DOCK6: variants seen among roughly 807,000 people sequenced by gnomAD.
The protein encoded by DOCK6 is dedicator of cytokinesis 6.
Under a neutral mutation model 230.3 loss-of-function variants are expected in DOCK6, and 167 were observed. The observed-to-expected ratio is 0.73, with a 90% CI of 0.64 to 0.82. The LOEUF is 0.82. Among genes scored for constraint, DOCK6 ranks in the 40% least tolerant of loss-of-function variants. DOCK6 has a pLI of 0.00. For synonymous variants in DOCK6, 1,148 were observed against 1,185.0 expected (o/e 0.97, Z 0.64); for missense variants, 2,598 against 2,825.8 (o/e 0.92, Z 1.83).
At position 11,236,166 on chromosome 19, in the gene DOCK6, C is replaced by T. The variant is rs190151969; in HGVS notation, c.2392+180G>A. ...AAGTGCTGGGATGACAGGCGTGAAC[C>T]GCTGCACCCGGGCCAAAGGGTCACA... On this transcript the variant is annotated intron_variant, in intron 20 of 47. Coordinates refer to ENST00000294618, the MANE Select transcript of DOCK6 (RefSeq NM_020812.4). This position sits in a 1 kb window ranked among gnomAD's most constrained non-coding sequence, Gnocchi z 5.2. 21 of 677,418 alleles carry T rather than the reference C, an allele frequency of 3.1e-5. No homozygotes were observed. Among genetic ancestry groups the T allele is most frequent in the Non-Finnish European group, 4.9e-5 (20 of 410,872 alleles). 42.0% of individuals were successfully genotyped at this position (677,418 alleles called of 1,614,324 possible).
chr19:11,240,217 G>A lies in DOCK6; in HGVS notation c.1643+1828C>T, dbSNP rs774148767. On this transcript the variant is annotated intron_variant, in intron 14 of 47. Transcript: ENST00000294618. ...GTGGCCCAGGCACAGAAGGTGCTAC[G>A]GGACAGCGTGCAGCGGCTAGAAGTC... The A allele has an allele frequency of 2.2e-5, 35 of 1,568,044 alleles. No individual in the cohort carries two copies. In the South Asian group the frequency reaches 3.2e-4, roughly 14 times the overall value.
In DOCK6 at chr19:11,204,575, C is replaced by T. The variant is rs553074745; in HGVS notation, c.5089-244G>A. 1.1e-4 allele frequency among the ~76,000 whole-genome samples: 16 copies of T among 152,150 alleles called. No homozygotes were observed. The East Asian group carries it at 3.1e-3, about 29-fold the overall frequency. On this transcript the variant is annotated intron_variant, in intron 39 of 47. Coordinates refer to ENST00000294618, the MANE Select transcript of DOCK6 (RefSeq NM_020812.4). ...GTTTTTTTGAGATAGGGTCTCACTC[C>T]ATCACCCAGGCTGGAGTGTAGTGGT...
Position 11,222,396 on chromosome 19 carries a change from G to A in DOCK6, c.3241-148C>T, listed in dbSNP as rs2079594825. The A allele has an allele frequency of 2.5e-6, 3 of 1,177,368 alleles. No homozygotes were observed. The East Asian group carries it at 7.7e-5, about 30-fold the overall frequency. 72.9% of individuals were successfully genotyped at this position (1,177,368 alleles called of 1,614,324 possible). A position where few individuals can be genotyped will look rare whatever the true frequency, so the allele number is the denominator to read the frequency against. ...TGTTAAGTCATCTGGAGGTGACAGT[G>A]GGCATGGGTTTCAAGGCCAGAAGTG... is the stretch of plus-strand genomic sequence containing the variant. On this transcript the variant is annotated intron_variant, in intron 26 of 47. Coordinates refer to ENST00000294618, the MANE Select transcript of DOCK6 (RefSeq NM_020812.4). This position sits in a 1 kb window ranked among gnomAD's most constrained non-coding sequence, Gnocchi z 4.0.
In DOCK6 at chr19:11,241,867, T is replaced by C. The variant is rs370083016; in HGVS notation, c.1643+178A>G. 4.0e-4 allele frequency: 507 copies of C among 1,272,134 alleles called. 6 individuals carry two copies. In the East Asian group the frequency reaches 0.011, roughly 28 times the overall value. 78.8% of individuals were successfully genotyped at this position (1,272,134 alleles called of 1,614,324 possible). Reference sequence around the variant, plus strand: ...GACAAAGGCAGAGGATGTAGCCCCATTGGGGAGGGGTGGAGGAAGGACATG... The same window carrying C: ...GACAAAGGCAGAGGATGTAGCCCCACTGGGGAGGGGTGGAGGAAGGACATG... On this transcript the variant is annotated intron_variant, in intron 14 of 47. Transcript: ENST00000294618.
At chr19:11,252,378 C>T (rs1259501933) in intron 4 of DOCK6, 104 bp downstream of exon 4, 1 of 1,584,924 alleles carries the variant, frequency 6.3e-7, no homozygotes, top group Non-Finnish European at 8.6e-7. Flanking sequence ...AGTTTGCCTG[C>T]TCTTGCAGGG....
Position 11,227,455 on chromosome 19 carries a change from A to G in DOCK6, c.2837T>C (p.Leu946Pro). ...QLMVKSMALH[L>P]LLGQRLDTPR... is the part of the protein sequence containing the mutation. ...TGTGTCTAGTCGCTGGCCAAGCAGC[A>G]GGTGCAGCGCCATACTCTTCACCTG... The change falls in exon 24 of 48, where the codon CTG becomes CCG. Residue 946 changes from leucine (L) to proline (P), a missense_variant. Transcript: ENST00000294618. 1.3e-6 allele frequency: 2 copies of G among 1,595,368 alleles called. No individual in the cohort carries two copies. Among genetic ancestry groups the G allele is most frequent in the Non-Finnish European group, 1.7e-6 (2 of 1,171,318 alleles).
chr19:11,240,177 G>A (rs961073008), intron 14 of DOCK6: 1 of 1,553,226 alleles, frequency 6.4e-7, no homozygotes, highest in African/African-American at 1.4e-5. Context: ...GGCCACAGCT[G>A]AGGTGCTGGG....
At chr19:11,227,275 A>G in intron 24 of DOCK6, 62 bp downstream of exon 24, 1 of 1,589,264 alleles carries the variant, frequency 6.3e-7, no homozygotes, top group Non-Finnish European at 8.6e-7. Flanking sequence ...TGGCGCCCCC[A>G]CCTGGCTGGC....
chr19:11,210,219 C>T (rs1396014193), intron 37 of DOCK6, among the ~76,000 whole-genome samples: 1 of 149,132 alleles, frequency 6.7e-6, no homozygotes. Flanking sequence ...TCTGTCCACC[C>T]CTCACCTGTC....
At chr19:11,239,745 C>T (rs749968127) in intron 14 of DOCK6, 1 of 1,612,952 alleles carries the variant, frequency 6.2e-7, no homozygotes, top group Non-Finnish European at 8.5e-7. Context: ...AGGAGCTGAC[C>T]CTGCTCTTCC....
At position 11,201,864 on chromosome 19, in the gene DOCK6, C is replaced by T. The variant is rs758853300; in HGVS notation, c.5688+25G>A. 126 of 1,529,838 alleles carry T rather than the reference C, an allele frequency of 8.2e-5. No homozygotes were observed. The highest frequency in any genetic ancestry group is 4.2e-4 in the East Asian group (17 of 40,696). The allele number at this position is 1,529,838 out of a possible 1,614,324, so 94.8% of individuals were successfully genotyped here. A position where few individuals can be genotyped will look rare whatever the true frequency, so the allele number is the denominator to read the frequency against. ...TGATGTCCCCTCACCTCCCCACCCC[C>T]GCCAGGCCCAGGATCCCCACCCACC... On this transcript the variant is annotated intron_variant, in intron 44 of 47. Transcript: ENST00000294618. The surrounding 1 kb of genome is among the most constrained non-coding windows in gnomAD (Gnocchi z 4.3).
chr19:11,232,108 C>A, intron 22 of DOCK6: 1 of 1,123,198 alleles, frequency 8.9e-7, no homozygotes, highest in African/African-American at 1.6e-5. Flanking sequence ...CTAGGTTAGT[C>A]AGATGCAGCC....
intron 5 of DOCK6, 118 bp from the exon 6 acceptor site, chr19:11,251,204 G>C: frequency 6.6e-6 from 7 of 1,055,514 alleles, no homozygotes; most frequent in Middle Eastern, 5.2e-4. Context: ...AGGGGGTGAG[G>C]GTCATCACTC....
chr19:11,202,344 T>G lies in DOCK6; in HGVS notation c.5451+50A>C. ...TTTGAGGGTCCCCAGGAAACAGCACTTGGAGTCTCTGTGAATCTAAGATTT... is the reference window on the plus strand; with the variant it reads ...TTTGAGGGTCCCCAGGAAACAGCACGTGGAGTCTCTGTGAATCTAAGATTT... On this transcript the variant is annotated intron_variant, in intron 43 of 47. Transcript: ENST00000294618. The surrounding 1 kb of genome is among the most constrained non-coding windows in gnomAD (Gnocchi z 5.3). The G allele has an allele frequency of 6.3e-7, 1 of 1,587,198 alleles. No individual in the cohort carries two copies. The highest frequency in any genetic ancestry group is 8.6e-7 in the Non-Finnish European group (1 of 1,164,740).
chr19:11,202,654 A>G lies in DOCK6; in HGVS notation c.5291T>C (p.Leu1764Pro), dbSNP rs1412970429. The G allele has an allele frequency of 6.2e-7, 1 of 1,613,892 alleles. No individual in the cohort carries two copies. The highest frequency in any genetic ancestry group is 8.5e-7 in the Non-Finnish European group (1 of 1,179,900). ...CTTGTACACAAACTCCTGCTCATCC[A>G]GGTCACCGAAGTGGGCGCCGTAGAA... is the stretch of plus-strand genomic sequence containing the variant. The part of the protein sequence containing the change: ...VGFYGAHFGD[L>P]DEQEFVYKEP... The change falls in exon 42 of 48, where the codon CTG (leucine) becomes CCG (proline). Residue 1764 changes from leucine to proline, a missense_variant. Physicochemically the swap from Leu to Pro is moderately conservative, Grantham distance 98 (BLOSUM62 -3). Transcript: ENST00000294618. The surrounding 1 kb of genome is among the most constrained non-coding windows in gnomAD (Gnocchi z 5.3).
chr19:11,237,407 G>T (rs916490124), intron 18 of DOCK6, 49 bp downstream of exon 18: 4 of 1,605,256 alleles, frequency 2.5e-6, no homozygotes, highest in Admixed American at 1.7e-5. Flanking sequence ...TGACTCGGGA[G>T]TGCTTCTGGG....
At chr19:11,237,338 C>A (rs1308149874) in intron 18 of DOCK6, 118 bp downstream of exon 18, 1 of 1,064,348 alleles carries the variant, frequency 9.4e-7, no homozygotes, top group South Asian at 1.3e-5. Context: ...TACACGGGGG[C>A]CCTGGAGGCA....
At position 11,245,599 on chromosome 19, in the gene DOCK6, C is replaced by T; in HGVS notation, c.987G>A (p.Val329=). The T allele has an allele frequency of 6.4e-7, 1 of 1,572,802 alleles. No individual in the cohort carries two copies. Among genetic ancestry groups the T allele is most frequent in the Non-Finnish European group, 8.6e-7 (1 of 1,159,158 alleles). ...GGAAGATGTCAGGTGAGGGGTAGGTCACAGAGAAGATGGCAGAGCGGGCCA... is the reference window on the plus strand; with the variant it reads ...GGAAGATGTCAGGTGAGGGGTAGGTTACAGAGAAGATGGCAGAGCGGGCCA... ...STLARSAIFS[V]TYPSPDIFLV... The change falls in exon 9 of 48, where the codon GTG becomes GTA. Residue 329 remains valine (V), a synonymous_variant. Transcript: ENST00000294618.
chr19:11,201,867 C>T lies in DOCK6; in HGVS notation c.5688+22G>A. ...TGTCCCCTCACCTCCCCACCCCCGC[C>T]AGGCCCAGGATCCCCACCCACCTCC... On this transcript the variant is annotated intron_variant, in intron 44 of 47. Transcript: ENST00000294618. This position sits in a 1 kb window ranked among gnomAD's most constrained non-coding sequence, Gnocchi z 4.3. 2 of 1,534,244 alleles carry T rather than the reference C, an allele frequency of 1.3e-6. No homozygotes were observed. The highest frequency in any genetic ancestry group is 2.5e-5 in the East Asian group (1 of 40,782).
Sources: gnomAD v4.1 joint callset for allele counts (sites outside exome capture counted in the v4.1 genomes callset) on GRCh38, gnomAD v4.1.1 for gene constraint, Gnocchi (gnomAD v3.1) non-coding constraint, MANE v1.5 for transcripts, NCBI Gene and HGNC (gene_info 2026-07-23, HGNC 2026-07-21) for gene names.